METTL15: variants seen among roughly 807,000 people sequenced by gnomAD.
METTL15 encodes 12S rRNA N(4)-cytidine methyltransferase METTL15.
METTL15 carries 34 observed loss-of-function variants against 38.3 expected under a neutral mutation model. That is an observed-to-expected ratio of 0.89 (90% CI 0.68 to 1.18). The LOEUF is 1.18. METTL15 is among the 50% of genes most tolerant of loss of function. The pLI is 0.00. For synonymous variants in METTL15, 162 were observed against 170.9 expected (o/e 0.95, Z 0.41); for missense variants, 438 against 498.4 (o/e 0.88, Z 1.15).
intron 6 of METTL15, among the ~76,000 whole-genome samples, chr11:28,442,672 A>G (rs1291525767): frequency 6.6e-6 from 1 of 152,200 alleles, no homozygotes; most frequent in Non-Finnish European, 1.5e-5. Context: ...TTCCTGGTTT[A>G]TCTTTAAGAA....
chr11:28,293,295 C>G (rs1357742410), intron 5 of METTL15, among the ~76,000 whole-genome samples: 1 of 152,102 alleles, frequency 6.6e-6, no homozygotes, highest in Non-Finnish European at 1.5e-5. Context: ...TTTCCCAGCC[C>G]CATTTATTAA....
intron 2 of METTL15, among the ~76,000 whole-genome samples, chr11:28,112,328 G>C (rs1233140533): frequency 6.6e-6 from 1 of 152,104 alleles, no homozygotes. Context: ...ATTAAGCACT[G>C]ATGTGCATCT....
chr11:28,163,432 C>T (rs949909379), intron 3 of METTL15: 19 of 398,016 alleles, frequency 4.8e-5, no homozygotes, highest in Admixed American at 1.3e-4. Flanking sequence ...CATTTGAAAT[C>T]GGTTCCAAAT....
At chr11:28,241,091 C>CCCTG (rs536239216) in intron 4 of METTL15, among the ~76,000 whole-genome samples, 352 of 152,176 alleles carry the variant, frequency 2.3e-3, no homozygotes, top group Middle Eastern at 0.014. Flanking sequence ...CTACAATGTG[C>CCCTG]CAGGTACTTT....
intron 4 of METTL15, among the ~76,000 whole-genome samples, chr11:28,272,356 G>A (rs542852671): frequency 1.4e-4 from 22 of 152,202 alleles, no homozygotes; most frequent in Admixed American, 3.9e-4. Flanking sequence ...AAGAAAATGT[G>A]GCACATATAC....
chr11:28,112,407 T>C (rs1018868053), intron 2 of METTL15, among the ~76,000 whole-genome samples: 2 of 152,230 alleles, frequency 1.3e-5, no homozygotes, highest in Non-Finnish European at 2.9e-5. Context: ...AAGAATAGTG[T>C]TAACTGGGTA....
At chr11:28,222,524 G>T (rs939963679) in intron 4 of METTL15, among the ~76,000 whole-genome samples, 2 of 152,156 alleles carry the variant, frequency 1.3e-5, no homozygotes, top group East Asian at 3.9e-4. Flanking sequence ...GCCTCGCCCT[G>T]CTTTGGCTCA....
At chr11:28,263,612 C>T (rs1374238226) in intron 4 of METTL15, among the ~76,000 whole-genome samples, 3 of 151,992 alleles carry the variant, frequency 2.0e-5, no homozygotes, top group Non-Finnish European at 4.4e-5. Flanking sequence ...TTTCGTCTTT[C>T]CATCCATAAT....
intron 3 of METTL15, among the ~76,000 whole-genome samples, chr11:28,153,106 G>A (rs1446863033): frequency 6.6e-6 from 1 of 151,980 alleles, no homozygotes; most frequent in East Asian, 1.9e-4. Context: ...GTGGGTTTGG[G>A]CCAGCTTCTT....
intron 4 of METTL15, among the ~76,000 whole-genome samples, chr11:28,264,452 AAT>A (rs1855330963): frequency 6.6e-6 from 1 of 151,918 alleles, no homozygotes; most frequent in African/African-American, 2.4e-5. Context: ...CCTACCTTAA[AAT>A]ATGTTTGTTT....
At chr11:28,123,253 A>G (rs892608324) in intron 3 of METTL15, among the ~76,000 whole-genome samples, 2 of 152,122 alleles carry the variant, frequency 1.3e-5, no homozygotes, top group Admixed American at 1.3e-4. Flanking sequence ...GTCTAATCAT[A>G]GTTACTGCAA....
At chr11:28,219,667 A>T (rs1170530926) in intron 4 of METTL15, among the ~76,000 whole-genome samples, 1 of 151,984 alleles carries the variant, frequency 6.6e-6, no homozygotes, top group Admixed American at 6.6e-5. Context: ...TGTGAATTTC[A>T]GATCTTTCCT....
chr11:28,392,167 A>C (rs1850516182), intron 5 of METTL15, among the ~76,000 whole-genome samples: 1 of 152,170 alleles, frequency 6.6e-6, no homozygotes, highest in African/African-American at 2.4e-5. Context: ...ATGAACAGAC[A>C]CTTCTCAAAA....
At chr11:28,519,648 G>T (rs1851748089) in intron 6 of METTL15, among the ~76,000 whole-genome samples, 2 of 152,174 alleles carry the variant, frequency 1.3e-5, no homozygotes, top group Admixed American at 6.5e-5. Context: ...GACATACTGG[G>T]AAGTGTGATG....
At chr11:28,268,237 A>G (rs1336051020) in intron 4 of METTL15, among the ~76,000 whole-genome samples, 4 of 147,062 alleles carry the variant, frequency 2.7e-5, no homozygotes, top group South Asian at 2.1e-4. Flanking sequence ...AATATTTTCT[A>G]TTTTAGTATA....
intron 3 of METTL15, among the ~76,000 whole-genome samples, chr11:28,210,423 C>A (rs539300147): frequency 6.6e-6 from 1 of 151,768 alleles, no homozygotes; most frequent in African/African-American, 2.4e-5. Flanking sequence ...GTAACTATCC[C>A]AAAGACATAG....
chr11:28,374,498 T>G (rs867564805), intron 5 of METTL15, among the ~76,000 whole-genome samples: 1 of 140,062 alleles, frequency 7.1e-6, no homozygotes, highest in South Asian at 2.4e-4. Flanking sequence ...ATGCTTGTGA[T>G]TTTTGTACAT....
intron 4 of METTL15, among the ~76,000 whole-genome samples, chr11:28,217,880 A>AT (rs1180260924): frequency 2.0e-5 from 3 of 151,784 alleles, no homozygotes; most frequent in Admixed American, 6.6e-5. Context: ...GATATGCGGC[A>AT]TTTTTTCTGA....
chr11:28,459,073 C>T (rs546692995), intron 6 of METTL15, among the ~76,000 whole-genome samples: 68 of 152,252 alleles, frequency 4.5e-4, no homozygotes, highest in African/African-American at 1.6e-3. Flanking sequence ...TTATCTCTAA[C>T]TTTTTCTTCT....
Sources: gnomAD v4.1 joint callset for allele counts (sites outside exome capture counted in the v4.1 genomes callset) on GRCh38, gnomAD v4.1.1 for gene constraint, MANE v1.5 for transcripts, NCBI Gene and HGNC (gene_info 2026-07-23, HGNC 2026-07-21) for gene names.